The following PTPRD variants were observed in gnomAD, a reference collection of about 807,000 sequenced individuals.
PTPRD encodes protein tyrosine phosphatase receptor type D, also known as receptor-type tyrosine-protein phosphatase delta.
PTPRD carries 34 observed loss-of-function variants against 214.5 expected under a neutral mutation model. The observed-to-expected ratio is 0.16, with a 90% CI of 0.12 to 0.21. PTPRD has a LOEUF of 0.21. PTPRD is among the 10% of genes least tolerant of loss of function. The pLI, the probability that PTPRD is intolerant of heterozygous loss-of-function variation, is 1.00. For synonymous variants in PTPRD, 1,128 were observed against 845.7 expected (o/e 1.33, Z -5.79); for missense variants, 2,545 against 2,398.7 (o/e 1.06, Z -1.27).
At chr9:8,526,408 T>A (rs1440995294) in intron 17 of PTPRD, among the ~76,000 whole-genome samples, 1 of 151,696 alleles carries the variant, frequency 6.6e-6, no homozygotes, top group African/African-American at 2.4e-5. Context: ...AAATAATCAT[T>A]TTCATAAAGA....
At chr9:9,389,453 T>C (rs1038506447) in intron 9 of PTPRD, among the ~76,000 whole-genome samples, 2 of 152,184 alleles carry the variant, frequency 1.3e-5, no homozygotes, top group African/African-American at 2.4e-5. Flanking sequence ...GAGGTTGTGG[T>C]GAGCTGAGAT....
chr9:9,755,531 T>C (rs1182695971), intron 6 of PTPRD, among the ~76,000 whole-genome samples: 1 of 152,120 alleles, frequency 6.6e-6, no homozygotes, highest in Non-Finnish European at 1.5e-5. Context: ...ATCAGTTTTA[T>C]ATTTTTCTAA....
chr9:9,676,442 C>T (rs1441222115), intron 7 of PTPRD, among the ~76,000 whole-genome samples: 3 of 151,924 alleles, frequency 2.0e-5, no homozygotes, highest in Admixed American at 1.3e-4. Flanking sequence ...CATGTCCCTA[C>T]AAAGGACATG....
intron 11 of PTPRD, among the ~76,000 whole-genome samples, chr9:8,853,105 G>A (rs1177855749): frequency 1.3e-5 from 2 of 152,138 alleles, no homozygotes; most frequent in South Asian, 2.1e-4. Context: ...TTTATTAAGG[G>A]GGAAATGAGA....
At chr9:10,357,760 G>T (rs1476616969) in intron 2 of PTPRD, among the ~76,000 whole-genome samples, 1 of 152,138 alleles carries the variant, frequency 6.6e-6, no homozygotes, top group African/African-American at 2.4e-5. Flanking sequence ...CAACGACTAT[G>T]CATAAAGTGC....
chr9:10,208,643 G>T (rs1482123165), intron 3 of PTPRD, among the ~76,000 whole-genome samples: 1 of 152,158 alleles, frequency 6.6e-6, no homozygotes, highest in Admixed American at 6.5e-5. Context: ...AAATCCTTGG[G>T]AGTCTGCTCC....
intron 8 of PTPRD, among the ~76,000 whole-genome samples, chr9:9,472,338 G>A (rs1283876950): frequency 6.6e-6 from 1 of 151,388 alleles, no homozygotes; most frequent in Admixed American, 6.6e-5. Flanking sequence ...CGAGTAGCTG[G>A]GACTACAGGC....
chr9:8,371,234 T>C (rs2081410247), intron 39 of PTPRD, among the ~76,000 whole-genome samples: 1 of 151,918 alleles, frequency 6.6e-6, no homozygotes. Context: ...GGGAAAAAAA[T>C]ATAGTCTCTA....
rs990626768 is a variant in PTPRD at position 8,733,935 on chromosome 9, C to T, written c.-92G>A. ...GTCCGATCTGAAATTTCAGCTGGAA[C>T]ACTTTCAGAGCCTGAAAGCGGGGAG... is the stretch of plus-strand genomic sequence containing the variant. On this transcript the variant is annotated 5_prime_UTR_variant, in exon 12 of 46. Coordinates refer to ENST00000381196, the MANE Select transcript of PTPRD (RefSeq NM_002839.4). The T allele has an allele frequency of 3.9e-6, 5 of 1,297,050 alleles. No individual in the cohort carries two copies. The African/African-American group carries it at 7.3e-5, about 19-fold the overall frequency. 80.3% of individuals were successfully genotyped at this position (1,297,050 alleles called of 1,614,324 possible).
intron 2 of PTPRD, among the ~76,000 whole-genome samples, chr9:10,457,384 A>T (rs1588600329): frequency 6.6e-6 from 1 of 151,926 alleles, no homozygotes; most frequent in East Asian, 1.9e-4. Context: ...TTTCCTGCTC[A>T]TGACTTTATA....
At chr9:9,793,855 G>C (rs1261939326) in intron 5 of PTPRD, among the ~76,000 whole-genome samples, 1 of 152,042 alleles carries the variant, frequency 6.6e-6, no homozygotes, top group Admixed American at 6.6e-5. Flanking sequence ...AAATTAAAAA[G>C]TTTTGAGGAT....
At chr9:8,838,636 G>A (rs1223173728) in intron 11 of PTPRD, among the ~76,000 whole-genome samples, 1 of 151,706 alleles carries the variant, frequency 6.6e-6, no homozygotes, top group African/African-American at 2.4e-5. Flanking sequence ...TACATTCTAT[G>A]TGTATATAAC....
At chr9:9,369,360 AGAT>A (rs1228886116) in intron 9 of PTPRD, among the ~76,000 whole-genome samples, 9 of 151,952 alleles carry the variant, frequency 5.9e-5, no homozygotes, top group African/African-American at 2.2e-4. Context: ...TGATGGCCAG[AGAT>A]GATGAGCATT....
intron 23 of PTPRD, among the ~76,000 whole-genome samples, chr9:8,503,260 C>T (rs62534039): frequency 0.097 from 14,686 of 152,006 alleles, 765 homozygotes; most frequent in East Asian, 0.17. Context: ...TTTTAAATCA[C>T]AAATTTCATG....
chr9:9,113,392 G>T (rs2099808865), intron 10 of PTPRD, among the ~76,000 whole-genome samples: 1 of 152,088 alleles, frequency 6.6e-6, no homozygotes, highest in Admixed American at 6.6e-5. Flanking sequence ...AACAAATAAA[G>T]GGGGAGAGTG....
chr9:8,376,866 C>G, intron 37 of PTPRD, 140 bp from the exon 38 acceptor site: 1 of 1,128,058 alleles, frequency 8.9e-7, no homozygotes, highest in East Asian at 2.5e-5. Context: ...TTTTTGTTAT[C>G]CCAATATATG....
chr9:8,642,346 A>G (rs912306185), intron 12 of PTPRD, among the ~76,000 whole-genome samples: 2 of 152,200 alleles, frequency 1.3e-5, no homozygotes, highest in Non-Finnish European at 2.9e-5. Context: ...ACTGATTAAC[A>G]TTTCCTTAAA....
At chr9:8,613,989 C>T (rs1233206734) in intron 14 of PTPRD, among the ~76,000 whole-genome samples, 2 of 151,264 alleles carry the variant, frequency 1.3e-5, no homozygotes, top group African/African-American at 4.9e-5. Flanking sequence ...TTGTGTCCTT[C>T]ACATTATGGT....
chr9:9,050,649 C>G (rs1164963756), intron 10 of PTPRD, among the ~76,000 whole-genome samples: 3 of 151,094 alleles, frequency 2.0e-5, no homozygotes, highest in African/African-American at 7.3e-5. Flanking sequence ...CAGTCTTGCT[C>G]CTTCCTACCT....
Sources: gnomAD v4.1 joint callset for allele counts (sites outside exome capture counted in the v4.1 genomes callset) on GRCh38, gnomAD v4.1.1 for gene constraint, MANE v1.5 for transcripts, NCBI Gene and HGNC (gene_info 2026-07-23, HGNC 2026-07-21) for gene names.